AADACL2: variants seen among roughly 807,000 people sequenced by gnomAD.
AADACL2 encodes the protein arylacetamide deacetylase like 2.
In AADACL2, 23 loss-of-function variants were observed where a neutral mutation model predicts 22.3. That is an observed-to-expected ratio of 1.03 (90% CI 0.74 to 1.46). AADACL2 has a LOEUF of 1.46. Ranked by LOEUF, AADACL2 falls within the 40% of genes most tolerant of loss-of-function variation. The probability of loss-of-function intolerance (pLI) is 0.00; values close to 1 mark genes in which losing one functional copy is unlikely to be tolerated. For missense variants in AADACL2, 472 were observed against 482.9 expected (o/e 0.98, Z 0.21); for synonymous variants, 177 against 166.2 (o/e 1.07, Z -0.50).
rs367596706 is a variant in AADACL2, at chr3:151,747,072, T to G, written c.603+1392T>G. 2.6e-4 allele frequency among the ~76,000 whole-genome samples: 39 copies of G among 152,278 alleles called. 2 individuals carry two copies. Among genetic ancestry groups the G allele is most frequent in the Admixed American group, 1.3e-3 (20 of 15,290 alleles). ...TGGGAAGAATTCCAACTCTCTTATT[T>G]TCTGTTTTTTTCTCTTTTGTGAGGT... On this transcript the variant is annotated intron_variant, in intron 4 of 4. Transcript: ENST00000356517.
chr3:151,740,171 G>A (rs962974424), intron 1 of AADACL2, among the ~76,000 whole-genome samples: 2 of 152,212 alleles, frequency 1.3e-5, no homozygotes, highest in African/African-American at 4.8e-5. Context: ...TCTGCAGATT[G>A]CAAAAACCAT....
chr3:151,747,793 T>C (rs59964582), intron 4 of AADACL2, among the ~76,000 whole-genome samples: 7,231 of 152,222 alleles, frequency 0.048, 577 homozygotes, highest in African/African-American at 0.16. Context: ...TTTGGATAGA[T>C]ACCTAGAAGT....
Position 151,760,599 on chromosome 3 carries a change from T to C in AADACL2, c.*3005T>C, listed in dbSNP as rs1019214936. On this transcript the variant is annotated 3_prime_UTR_variant, in exon 5 of 5. Coordinates refer to ENST00000356517, the MANE Select transcript of AADACL2 (RefSeq NM_207365.4). ...AGGTTTCTGACACATATATCTAACATGTAAAGAAGTAACAATTTCCAAAAT... is the reference window on the plus strand; with the variant it reads ...AGGTTTCTGACACATATATCTAACACGTAAAGAAGTAACAATTTCCAAAAT... The C allele has an allele frequency of 2.0e-5, 3 of 152,284 alleles. No individual in the cohort carries two copies. The highest frequency in any genetic ancestry group is 2.0e-4 in the Admixed American group (3 of 15,268). The allele number at this position is 152,284 out of a possible 1,614,324, so 9.4% of individuals were successfully genotyped here.
At chr3:151,752,440 A>T (rs1560286216) in intron 4 of AADACL2, among the ~76,000 whole-genome samples, 1 of 152,174 alleles carries the variant, frequency 6.6e-6, no homozygotes, top group Admixed American at 6.5e-5. Context: ...TATTTAACCT[A>T]TTATTGCTAG....
chr3:151,750,079 A>G (rs1380365075), intron 4 of AADACL2, among the ~76,000 whole-genome samples: 3 of 152,166 alleles, frequency 2.0e-5, no homozygotes, highest in Non-Finnish European at 2.9e-5. Flanking sequence ...TCATTTTTGC[A>G]TCTGTTGAGA....
chr3:151,756,881 C>G, intron 4 of AADACL2, 111 bp from the exon 5 acceptor site: 2 of 841,454 alleles, frequency 2.4e-6, no homozygotes, highest in Admixed American at 3.6e-5. Flanking sequence ...TATGATACAT[C>G]ACATCAATTT....
At chr3:151,756,091 C>T (rs1713893042) in intron 4 of AADACL2, among the ~76,000 whole-genome samples, 1 of 152,040 alleles carries the variant, frequency 6.6e-6, no homozygotes, top group South Asian at 2.1e-4. Flanking sequence ...GACTGGGTGA[C>T]TTAGAGGTAC....
chr3:151,756,825 A>T (rs1195147216), intron 4 of AADACL2, among the ~76,000 whole-genome samples, 167 bp from the exon 5 acceptor site: 3 of 151,558 alleles, frequency 2.0e-5, no homozygotes, highest in Non-Finnish European at 4.4e-5. Context: ...ATTGGTTTGA[A>T]TTTTTTTATG....
intron 3 of AADACL2, among the ~76,000 whole-genome samples, chr3:151,745,140 G>A (rs1713397088): frequency 6.6e-6 from 1 of 152,082 alleles, no homozygotes; most frequent in Non-Finnish European, 1.5e-5. Context: ...GCAGCCTATT[G>A]TGCTTTTTAA....
chr3:151,752,474 G>A (rs935846464), intron 4 of AADACL2, among the ~76,000 whole-genome samples: 1 of 152,168 alleles, frequency 6.6e-6, no homozygotes, highest in Non-Finnish European at 1.5e-5. Flanking sequence ...ATCACATGAT[G>A]TGTCCTAAAA....
At chr3:151,748,095 C>CGTGCAGAT (rs144469581) in intron 4 of AADACL2, among the ~76,000 whole-genome samples, 7,178 of 152,008 alleles carry the variant, frequency 0.047, 561 homozygotes, top group African/African-American at 0.16. Context: ...TTTCTTTTTT[C>CGTGCAGAT]GTGCAGATGC....
At position 151,759,156 on chromosome 3, in the gene AADACL2, A is replaced by C. The variant is rs183468267; in HGVS notation, c.*1562A>C. On this transcript the variant is annotated 3_prime_UTR_variant, in exon 5 of 5. Coordinates refer to ENST00000356517, the MANE Select transcript of AADACL2 (RefSeq NM_207365.4). ...AAATGGAGATTTGATACTATATGCT[A>C]TACTACATACACTAAGAATATTGTA... 4 of 152,134 alleles carry C rather than the reference A, an allele frequency of 2.6e-5. No individual in the cohort carries two copies. Among genetic ancestry groups the C allele is most frequent in the Non-Finnish European group, 4.4e-5 (3 of 68,000 alleles). The allele number at this position is 152,134 out of a possible 1,614,324, so 9.4% of individuals were successfully genotyped here.
At chr3:151,754,760 A>C (rs1462056337) in intron 4 of AADACL2, among the ~76,000 whole-genome samples, 1 of 152,132 alleles carries the variant, frequency 6.6e-6, no homozygotes, top group African/African-American at 2.4e-5. Flanking sequence ...CGTGAGCCAG[A>C]TATGTTCTCT....
intron 4 of AADACL2, chr3:151,755,229 T>C (rs983782913): frequency 3.4e-5 from 5 of 145,782 alleles, no homozygotes; most frequent in African/African-American, 1.2e-4. Context: ...ATGATATTAA[T>C]GACTTTATTA....
Position 151,758,964 on chromosome 3 carries a change from C to T in AADACL2, c.*1370C>T, listed in dbSNP as rs2107994042. On this transcript the variant is annotated 3_prime_UTR_variant, in exon 5 of 5. Transcript: ENST00000356517. ...TAAGAATTACAATTTCAACAGTCCA[C>T]AAACAAAATAAGATTTTTTTAATGT... 6.6e-6 allele frequency: 1 copy of T among 152,080 alleles called. No individual in the cohort carries two copies. The highest frequency in any genetic ancestry group is 1.5e-5 in the Non-Finnish European group (1 of 67,950). The allele number at this position is 152,080 out of a possible 1,614,324, so 9.4% of individuals were successfully genotyped here. A position where few individuals can be genotyped will look rare whatever the true frequency, so the allele number is the denominator to read the frequency against.
chr3:151,736,641 A>C (rs1713098250), intron 1 of AADACL2, among the ~76,000 whole-genome samples: 1 of 152,306 alleles, frequency 6.6e-6, no homozygotes, highest in East Asian at 1.9e-4. Flanking sequence ...ATGTACCTGC[A>C]AAGGACATGA....
In AADACL2 at chr3:151,757,611, T is replaced by C. The variant is rs750758022; in HGVS notation, c.*17T>C. 3.2e-6 allele frequency: 5 copies of C among 1,579,178 alleles called. No individual in the cohort carries two copies. In the Admixed American group the frequency reaches 8.8e-5, roughly 28 times the overall value. ...AATTTATAAATATGTGATGTGTATG[T>C]ATAGCCCTTACATAGTGGATTGTAA... On this transcript the variant is annotated 3_prime_UTR_variant, in exon 5 of 5. Transcript: ENST00000356517.
chr3:151,746,636 T>C lies in AADACL2; in HGVS notation c.603+956T>C, dbSNP rs147143945. Among the ~76,000 whole-genome samples the C allele has an allele frequency of 1.6e-3, 250 of 152,192 alleles. 1 individual carries two copies. Among genetic ancestry groups the C allele is most frequent in the African/African-American group, 5.1e-3 (214 of 41,574 alleles). Reference sequence around the variant, plus strand: ...CTTATTTCTACTCCTAGTTTGCTGATAGTTTTTGCATAAATGGGTCTTGAA... The same window carrying C: ...CTTATTTCTACTCCTAGTTTGCTGACAGTTTTTGCATAAATGGGTCTTGAA... On this transcript the variant is annotated intron_variant, in intron 4 of 4. Coordinates refer to ENST00000356517, the MANE Select transcript of AADACL2 (RefSeq NM_207365.4).
intron 4 of AADACL2, among the ~76,000 whole-genome samples, chr3:151,749,884 A>T (rs975913585): frequency 6.6e-6 from 1 of 152,096 alleles, no homozygotes; most frequent in Non-Finnish European, 1.5e-5. Context: ...GTATTTTATT[A>T]AATAGGTATA....
Sources: allele counts gnomAD v4.1 joint callset (sites outside exome capture counted in the v4.1 genomes callset), GRCh38; gene constraint gnomAD v4.1.1; transcripts MANE v1.5; gene names NCBI Gene and HGNC (gene_info 2026-07-23, HGNC 2026-07-21).